The following ITPR2 variants were observed in gnomAD, a reference collection of about 807,000 sequenced individuals.
The protein encoded by ITPR2 is inositol 1,4,5-trisphosphate receptor type 2.
In ITPR2, 207 loss-of-function variants were observed where a neutral mutation model predicts 317.1. The observed-to-expected ratio is 0.65, with a 90% confidence interval of 0.58 to 0.73. ITPR2 has a LOEUF of 0.73. ITPR2 is among the 30% of genes least tolerant of loss of function. The pLI, the probability that ITPR2 is intolerant of heterozygous loss-of-function variation, is 0.00. For missense variants in ITPR2, 2,613 were observed against 3,284.0 expected (o/e 0.80, Z 4.99); for synonymous variants, 1,156 against 1,149.1 (o/e 1.01, Z -0.12).
At chr12:26,422,131 C>T (rs1359785216) in intron 49 of ITPR2, among the ~76,000 whole-genome samples, 2 of 149,674 alleles carry the variant, frequency 1.3e-5, no homozygotes, top group East Asian at 1.9e-4. Flanking sequence ...AAATTATTTA[C>T]TAATTATTTA....
At chr12:26,492,356 C>G (rs543468848) in intron 39 of ITPR2, among the ~76,000 whole-genome samples, 1 of 151,424 alleles carries the variant, frequency 6.6e-6, no homozygotes, top group South Asian at 2.1e-4. Flanking sequence ...TAAATAAGTG[C>G]GAAGGATGAA....
rs773735961 is a variant in ITPR2, at chr12:26,602,439, A to C, written c.3609T>G (p.His1203Gln). The change falls in exon 28 of 57, where the codon CAT becomes CAG. Residue 1203 changes from histidine (H) to glutamine (Q), a missense_variant. By Grantham distance (24) the His-to-Gln change is conservative. This residue lies in a region of ITPR2 where 817 missense variants were observed against 897.6 expected (regional missense o/e 0.91). Coordinates refer to ENST00000381340, the MANE Select transcript of ITPR2 (RefSeq NM_002223.4). ...CVQNKKCRNQ[H>Q]QRLLKNMGAH... ...CCCCCATATTTTTCAGTAATCGTTG[A>C]TGTTGATTCCGACACTTTTTATTCT... 2 of 1,613,842 alleles carry C rather than the reference A, an allele frequency of 1.2e-6. No homozygotes were observed. Among genetic ancestry groups the C allele is most frequent in the Non-Finnish European group, 1.7e-6 (2 of 1,179,770 alleles).
In ITPR2 at chr12:26,338,681, T is replaced by C. The variant is rs1296698898; in HGVS notation, c.*716A>G. The C allele has an allele frequency of 6.6e-6, 1 of 152,224 alleles. No individual in the cohort carries two copies. The highest frequency in any genetic ancestry group is 1.5e-5 in the Non-Finnish European group (1 of 68,032). The allele number at this position is 152,224 out of a possible 1,614,324, so 9.4% of individuals were successfully genotyped here. On this transcript the variant is annotated 3_prime_UTR_variant, in exon 57 of 57. Transcript: ENST00000381340. ...CTTAGCCTATACATGACTTAGAACA[T>C]GTTTTTAACAAGTTATATGAAAATC...
At chr12:26,606,296 C>T (rs570101396) in intron 26 of ITPR2, among the ~76,000 whole-genome samples, 1 of 152,246 alleles carries the variant, frequency 6.6e-6, no homozygotes, top group Admixed American at 6.5e-5. Flanking sequence ...CTCCAAACGT[C>T]CTTGCATTTT....
At chr12:26,562,607 T>G (rs976198292) in intron 34 of ITPR2, among the ~76,000 whole-genome samples, 4 of 152,174 alleles carry the variant, frequency 2.6e-5, no homozygotes, top group African/African-American at 9.7e-5. Flanking sequence ...GAGAAGAAAC[T>G]GCCCCACAAG....
At chr12:26,504,431 G>A (rs1943140983) in intron 37 of ITPR2, among the ~76,000 whole-genome samples, 1 of 151,928 alleles carries the variant, frequency 6.6e-6, no homozygotes. Flanking sequence ...GAATCTTGTA[G>A]AAAAGCTGAC....
At chr12:26,761,020 T>G (rs1179490206) in intron 2 of ITPR2, among the ~76,000 whole-genome samples, 1 of 152,084 alleles carries the variant, frequency 6.6e-6, no homozygotes, top group East Asian at 1.9e-4. Context: ...AGGTTCAGGC[T>G]TAAGGGCCAC....
intron 1 of ITPR2, among the ~76,000 whole-genome samples, chr12:26,818,059 A>G (rs180818567): frequency 1.1e-4 from 17 of 152,386 alleles, no homozygotes; most frequent in Admixed American, 3.3e-4. Flanking sequence ...TGATACAAAA[A>G]CTGAAATTAG....
intron 54 of ITPR2, among the ~76,000 whole-genome samples, chr12:26,388,074 A>T (rs1272192253): frequency 6.6e-6 from 1 of 152,208 alleles, no homozygotes; most frequent in Admixed American, 6.5e-5. Context: ...AAGGAACACA[A>T]AGAAGATGGC....
At chr12:26,386,270 GACAA>G (rs145072685) in intron 55 of ITPR2, among the ~76,000 whole-genome samples, 1,809 of 152,228 alleles carry the variant, frequency 0.012, 42 homozygotes, top group African/African-American at 0.04. Flanking sequence ...AAGTGGAGAA[GACAA>G]ACAATGTTAG....
Position 26,338,277 on chromosome 12 carries a change from T to C in ITPR2, c.*1120A>G, listed in dbSNP as rs982632563. On this transcript the variant is annotated 3_prime_UTR_variant, in exon 57 of 57. Transcript: ENST00000381340. The stretch of plus-strand genomic sequence containing the variant: ...GTGCATGATTTAATACAAAAACAAT[T>C]TGAATAAGAGATTTTTATCTTGCTA... 3 of 152,642 alleles carry C rather than the reference T, an allele frequency of 2.0e-5. No individual in the cohort carries two copies. Among genetic ancestry groups the C allele is most frequent in the Admixed American group, 6.5e-5 (1 of 15,274 alleles). 9.5% of individuals were successfully genotyped at this position (152,642 alleles called of 1,614,324 possible). A position where few individuals can be genotyped will look rare whatever the true frequency, so the allele number is the denominator to read the frequency against.
chr12:26,617,869 G>T (rs1256752517), intron 26 of ITPR2, among the ~76,000 whole-genome samples: 1 of 152,106 alleles, frequency 6.6e-6, no homozygotes, highest in African/African-American at 2.4e-5. Context: ...AAATTCTACA[G>T]AAAGTATTAG....
At chr12:26,511,858 AC>A (rs1943357108) in intron 37 of ITPR2, among the ~76,000 whole-genome samples, 1 of 152,150 alleles carries the variant, frequency 6.6e-6, no homozygotes, top group Non-Finnish European at 1.5e-5. Context: ...ATCTCTGTCC[AC>A]CATTTTCGCC....
chr12:26,522,839 G>A (rs551478769), intron 37 of ITPR2, among the ~76,000 whole-genome samples: 6 of 151,958 alleles, frequency 3.9e-5, no homozygotes, highest in South Asian at 2.1e-4. Context: ...ATGCTTCCAC[G>A]GCGGGGGGGG....
chr12:26,409,283 A>G (rs1391474434), intron 52 of ITPR2, among the ~76,000 whole-genome samples: 1 of 152,244 alleles, frequency 6.6e-6, no homozygotes, highest in East Asian at 1.9e-4. Context: ...AAAGTAGCAG[A>G]CATCATGTAT....
chr12:26,407,786 G>A (rs146822726), intron 52 of ITPR2, among the ~76,000 whole-genome samples: 8 of 152,260 alleles, frequency 5.3e-5, no homozygotes, highest in African/African-American at 1.9e-4. Context: ...TTTCCTTAGG[G>A]TCCCTACCGA....
At chr12:26,731,122 G>GAA (rs5797193) in intron 2 of ITPR2, among the ~76,000 whole-genome samples, 183 of 151,494 alleles carry the variant, frequency 1.2e-3, no homozygotes, top group Middle Eastern at 3.4e-3. Flanking sequence ...GGCAATGGTG[G>GAA]AAAAAAAAAA....
intron 55 of ITPR2, among the ~76,000 whole-genome samples, chr12:26,356,110 G>C (rs1338573643): frequency 6.6e-6 from 1 of 152,228 alleles, no homozygotes; most frequent in Non-Finnish European, 1.5e-5. Context: ...CTCTAAGTTA[G>C]ATTATAGCTT....
At chr12:26,715,720 C>G (rs748894619) in intron 7 of ITPR2, 32 bp downstream of exon 7, 1 of 1,344,408 alleles carries the variant, frequency 7.4e-7, no homozygotes, top group Non-Finnish European at 1.1e-6. Flanking sequence ...CATCATTTCT[C>G]CCAGCAAATG....
Sources: gnomAD v4.1 joint callset for allele counts (sites outside exome capture counted in the v4.1 genomes callset) on GRCh38, gnomAD v4.1.1 for gene constraint, gnomAD v4.1.1 regional missense constraint, MANE v1.5 for transcripts, NCBI Gene and HGNC (gene_info 2026-07-23, HGNC 2026-07-21) for gene names.